Variants in DENND1B observed in about 807,000 individuals in gnomAD.
DENND1B encodes DENN domain-containing protein 1B.
In DENND1B, 59 loss-of-function variants were observed where a neutral mutation model predicts 90.1. The observed-to-expected ratio is 0.65, with a 90% CI of 0.53 to 0.81. DENND1B has a LOEUF of 0.81. Ranked by LOEUF, DENND1B falls within the 40% of genes least tolerant of loss-of-function variation. The pLI is 0.00. For synonymous variants in DENND1B, 337 were observed against 324.6 expected, an observed-to-expected ratio of 1.04 and a Z score of -0.41; for missense variants, 862 against 912.6, an observed-to-expected ratio of 0.94 and a Z score of 0.71.
intron 15 of DENND1B, among the ~76,000 whole-genome samples, chr1:197,557,638 T>C (rs948578150): frequency 1.3e-5 from 2 of 151,912 alleles, no homozygotes; most frequent in African/African-American, 4.8e-5. Context: ...AAAAGATTGA[T>C]TTCATGCATA....
chr1:197,744,991 T>C (rs1663570674), intron 2 of DENND1B, among the ~76,000 whole-genome samples: 1 of 152,192 alleles, frequency 6.6e-6, no homozygotes, highest in Admixed American at 6.5e-5. Context: ...GCTTCAAATT[T>C]TTCTTCTGCT....
intron 10 of DENND1B, among the ~76,000 whole-genome samples, chr1:197,632,890 A>G (rs2125900420): frequency 6.6e-6 from 1 of 152,256 alleles, no homozygotes; most frequent in African/African-American, 2.4e-5. Context: ...GGGTGCTTCT[A>G]CATAATAGTT....
chr1:197,703,504 C>T (rs993465557), intron 3 of DENND1B, among the ~76,000 whole-genome samples: 5 of 152,042 alleles, frequency 3.3e-5, no homozygotes, highest in Non-Finnish European at 7.4e-5. Context: ...TGGATGTTAA[C>T]ACAAATACCA....
chr1:197,579,057 A>C (rs747810892), intron 15 of DENND1B, among the ~76,000 whole-genome samples: 17 of 152,212 alleles, frequency 1.1e-4, no homozygotes, highest in Non-Finnish European at 2.5e-4. Context: ...TTTCCAAGTG[A>C]TTCAGATAGG....
chr1:197,687,887 A>C (rs1312079404), intron 3 of DENND1B, among the ~76,000 whole-genome samples: 1 of 152,154 alleles, frequency 6.6e-6, no homozygotes, highest in Non-Finnish European at 1.5e-5. Flanking sequence ...TTCTGTTCAC[A>C]GATGACATGA....
chr1:197,553,895 CTG>C (rs1671465768), intron 15 of DENND1B, among the ~76,000 whole-genome samples: 1 of 151,962 alleles, frequency 6.6e-6, no homozygotes, highest in Non-Finnish European at 1.5e-5. Context: ...GAGTGGGAAA[CTG>C]AAACTATCAA....
intron 3 of DENND1B, among the ~76,000 whole-genome samples, chr1:197,681,955 T>G (rs1041456015): frequency 1.3e-5 from 2 of 152,050 alleles, no homozygotes; most frequent in African/African-American, 2.4e-5. Flanking sequence ...TAACCTTGGT[T>G]TTTTTGTTTT....
chr1:197,622,198 A>T (rs1181636411), intron 10 of DENND1B, among the ~76,000 whole-genome samples: 1 of 151,322 alleles, frequency 6.6e-6, no homozygotes, highest in Non-Finnish European at 1.5e-5. Context: ...AGCAACAACA[A>T]ATGTTTACAT....
At chr1:197,573,173 T>C (rs1292027554) in intron 15 of DENND1B, among the ~76,000 whole-genome samples, 1 of 152,196 alleles carries the variant, frequency 6.6e-6, no homozygotes, top group Non-Finnish European at 1.5e-5. Context: ...GTTTCTTGCC[T>C]TCTGCTAGCT....
intron 14 of DENND1B, among the ~76,000 whole-genome samples, chr1:197,593,934 A>G (rs1426018355): frequency 6.6e-6 from 1 of 152,054 alleles, no homozygotes; most frequent in African/African-American, 2.4e-5. Context: ...TTATGTTTTA[A>G]CTGATGTTGA....
chr1:197,707,566 G>T (rs138475254), intron 3 of DENND1B, among the ~76,000 whole-genome samples: 1 of 146,292 alleles, frequency 6.8e-6, no homozygotes, highest in Non-Finnish European at 1.5e-5. Context: ...ATATATATGT[G>T]TAATTATATG....
At chr1:197,627,910 T>G (rs541809551) in intron 10 of DENND1B, among the ~76,000 whole-genome samples, 89 of 151,982 alleles carry the variant, frequency 5.9e-4, no homozygotes, top group Non-Finnish European at 1.0e-3. Context: ...AATCATGAGT[T>G]AACTCCCATT....
chr1:197,762,212 T>G (rs1655144742), intron 2 of DENND1B, among the ~76,000 whole-genome samples: 1 of 151,620 alleles, frequency 6.6e-6, no homozygotes, highest in Non-Finnish European at 1.5e-5. Flanking sequence ...AATAAAGACC[T>G]AGCTCAAGAT....
chr1:197,729,809 G>A (rs1661989753), intron 2 of DENND1B, among the ~76,000 whole-genome samples: 1 of 152,074 alleles, frequency 6.6e-6, no homozygotes, highest in Admixed American at 6.6e-5. Flanking sequence ...TATAGTAAAT[G>A]ACATTTATGT....
intron 16 of DENND1B, among the ~76,000 whole-genome samples, chr1:197,552,061 T>C (rs1415340759): frequency 3.3e-5 from 5 of 152,144 alleles, no homozygotes; most frequent in Non-Finnish European, 7.4e-5. Flanking sequence ...GGAAAATGAA[T>C]CTTAAAAATA....
chr1:197,510,732 A>T lies in DENND1B; in HGVS notation c.2056T>A (p.Phe686Ile). ...NVSDPTSGLD[F>I]QLTSPEVSQT... ...GAAACTTCAGGGGAAGTGAGTTGGA[A>T]ATCCAGTCCTGAAGTAGGGTCACTC... The change falls in exon 23 of 23, where the codon TTC (phenylalanine) becomes ATC (isoleucine). Residue 686 changes from phenylalanine (F) to isoleucine (I), a missense_variant. Physicochemically the swap from Phe to Ile is conservative, Grantham distance 21. Coordinates refer to ENST00000620048, the MANE Select transcript of DENND1B (RefSeq NM_001195215.2). 6.2e-7 allele frequency: 1 copy of T among 1,612,714 alleles called. No homozygotes were observed. The highest frequency in any genetic ancestry group is 2.2e-5 in the East Asian group (1 of 44,824).
intron 3 of DENND1B, among the ~76,000 whole-genome samples, chr1:197,706,793 G>A (rs1431627935): frequency 6.6e-6 from 1 of 152,118 alleles, no homozygotes. Flanking sequence ...TGGCAAGGAG[G>A]CAGAGAAAGG....
intron 13 of DENND1B, among the ~76,000 whole-genome samples, chr1:197,596,798 C>T (rs1302158085): frequency 2.6e-5 from 4 of 151,800 alleles, no homozygotes; most frequent in African/African-American, 7.2e-5. Flanking sequence ...AACAACTAAA[C>T]TTTGAATAAT....
At chr1:197,707,933 G>A (rs1659767821) in intron 3 of DENND1B, among the ~76,000 whole-genome samples, 1 of 151,746 alleles carries the variant, frequency 6.6e-6, no homozygotes, top group Non-Finnish European at 1.5e-5. Context: ...AAGGGGTCAG[G>A]GAGTTCCCTT....
Sources: allele counts gnomAD v4.1 joint callset (sites outside exome capture counted in the v4.1 genomes callset), GRCh38; gene constraint gnomAD v4.1.1; transcripts MANE v1.5; gene names NCBI Gene and HGNC (gene_info 2026-07-23, HGNC 2026-07-21).